Variants in STARD13 observed in about 807,000 individuals in gnomAD.
STARD13 encodes the protein StAR related lipid transfer domain containing 13, also known as stAR-related lipid transfer protein 13.
Under a neutral mutation model 106.4 loss-of-function variants are expected in STARD13, and 62 were observed. The observed-to-expected ratio is 0.58, with a 90% CI of 0.48 to 0.72. The LOEUF is 0.72. STARD13 is among the 30% of genes least tolerant of loss of function. The probability of loss-of-function intolerance (pLI) is 0.00; values close to 1 mark genes in which losing one functional copy is unlikely to be tolerated. For synonymous variants in STARD13, 565 were observed against 553.0 expected, an observed-to-expected ratio of 1.02 and a Z score of -0.31; for missense variants, 1,387 against 1,424.0, an observed-to-expected ratio of 0.97 and a Z score of 0.42.
the STARD13 span, among the ~76,000 whole-genome samples, chr13:33,603,978 A>G: frequency 6.6e-6 from 1 of 152,216 alleles, no homozygotes; most frequent in Non-Finnish European, 1.5e-5. Flanking sequence ...AGTACAAAAA[A>G]TAAAACCCAA....
chr13:33,186,746 T>A (rs1374448990), intron 1 of STARD13, among the ~76,000 whole-genome samples: 1 of 152,114 alleles, frequency 6.6e-6, no homozygotes, highest in Non-Finnish European at 1.5e-5. Context: ...GTATTTGAGA[T>A]TAACAATCTC....
intron 1 of STARD13, among the ~76,000 whole-genome samples, chr13:33,189,521 G>T (rs1439238411): frequency 6.6e-6 from 1 of 150,902 alleles, no homozygotes; most frequent in Admixed American, 6.6e-5. Flanking sequence ...CAGTCCTTCC[G>T]ATGGCACTTT....
chr13:33,621,917 A>G, the STARD13 span, among the ~76,000 whole-genome samples: 4 of 150,478 alleles, frequency 2.7e-5, no homozygotes, highest in Admixed American at 2.0e-4. Context: ...CGATTCTCCT[A>G]CCTCAGCCTC....
At chr13:33,242,857 G>A (rs1218244154) in intron 1 of STARD13, among the ~76,000 whole-genome samples, 1 of 152,050 alleles carries the variant, frequency 6.6e-6, no homozygotes, top group Non-Finnish European at 1.5e-5. Context: ...TGATATATTT[G>A]GAGGCTTAGC....
At chr13:33,600,113 C>G in the STARD13 span, among the ~76,000 whole-genome samples, 3 of 152,090 alleles carry the variant, frequency 2.0e-5, no homozygotes, top group African/African-American at 4.8e-5. Flanking sequence ...TGCTAAAAAC[C>G]AGAGCCTGTA....
the STARD13 span, among the ~76,000 whole-genome samples, chr13:33,575,806 T>C: frequency 5.9e-5 from 9 of 152,150 alleles, no homozygotes; most frequent in Non-Finnish European, 1.2e-4. Flanking sequence ...GTGAGCTAAA[T>C]AAGCCTCTTT....
At chr13:33,267,960 T>C (rs1222021702) in intron 1 of STARD13, among the ~76,000 whole-genome samples, 2 of 152,164 alleles carry the variant, frequency 1.3e-5, no homozygotes, top group Non-Finnish European at 2.9e-5. Flanking sequence ...GTATTATTAG[T>C]TTCCAGTTAA....
chr13:33,117,778 T>C, intron 8 of STARD13: 3 of 965,558 alleles, frequency 3.1e-6, no homozygotes, highest in Non-Finnish European at 3.7e-6. Flanking sequence ...TTTTTCATTT[T>C]AAATTTTTGT....
At chr13:33,142,505 A>C (rs887280938) in intron 3 of STARD13, 132 bp from the exon 4 acceptor site, 3 of 765,598 alleles carry the variant, frequency 3.9e-6, no homozygotes, top group Non-Finnish European at 2.2e-6. Flanking sequence ...ACAGTACTGC[A>C]CCCACAGAAG....
the STARD13 span, among the ~76,000 whole-genome samples, chr13:33,673,063 T>C: frequency 1.3e-5 from 2 of 152,236 alleles, no homozygotes; most frequent in African/African-American, 4.8e-5. Context: ...CTGCTTGAGC[T>C]AAGCACTGAC....
At chr13:33,137,859 T>G (rs757008746) in intron 4 of STARD13, among the ~76,000 whole-genome samples, 9 of 152,094 alleles carry the variant, frequency 5.9e-5, no homozygotes, top group African/African-American at 2.2e-4. Context: ...ATCTGACTGC[T>G]CTTTGGAGTT....
chr13:33,512,437 G>T, the STARD13 span, among the ~76,000 whole-genome samples: 1 of 151,950 alleles, frequency 6.6e-6, no homozygotes, highest in East Asian at 1.9e-4. Context: ...GCAAAGACAG[G>T]TGCTTTTTAA....
the STARD13 span, among the ~76,000 whole-genome samples, chr13:33,439,422 G>A: frequency 6.6e-6 from 1 of 152,190 alleles, no homozygotes; most frequent in African/African-American, 2.4e-5. Context: ...GACTGGTTAT[G>A]CAAAGCAACT....
chr13:33,340,039 C>T (rs1161532742), intron 1 of STARD13, among the ~76,000 whole-genome samples: 3 of 152,170 alleles, frequency 2.0e-5, no homozygotes, highest in Admixed American at 6.5e-5. Flanking sequence ...AACTCAACAT[C>T]AGGTAAGGGA....
At chr13:33,666,792 A>G in the STARD13 span, among the ~76,000 whole-genome samples, 2 of 151,456 alleles carry the variant, frequency 1.3e-5, no homozygotes, top group African/African-American at 2.4e-5. Flanking sequence ...GGGTTTCACC[A>G]TGTTGGCCAG....
intron 1 of STARD13, among the ~76,000 whole-genome samples, chr13:33,216,349 T>C (rs1888041438): frequency 6.6e-6 from 1 of 152,180 alleles, no homozygotes; most frequent in Non-Finnish European, 1.5e-5. Context: ...ATAAAGAAAC[T>C]GTGGTATATA....
chr13:33,254,442 TA>T (rs1331285062), intron 1 of STARD13, among the ~76,000 whole-genome samples: 1 of 152,216 alleles, frequency 6.6e-6, no homozygotes, highest in Non-Finnish European at 1.5e-5. Flanking sequence ...CTGTTGCCTA[TA>T]TTCTAGCATT....
rs982502082 is a variant in STARD13 at position 33,272,255 on chromosome 13, A to G, written c.169+13215T>C. 2.6e-5 allele frequency among the ~76,000 whole-genome samples: 4 copies of G among 152,194 alleles called. No homozygotes were observed. In the East Asian group the frequency reaches 7.7e-4, roughly 29 times the overall value. ...AATTTTGGAATATTTGCATTATATC[A>G]GTTAAGCATCCTTAATCCCCAAATC... is the stretch of plus-strand genomic sequence containing the variant. On this transcript the variant is annotated intron_variant, in intron 1 of 13. Transcript: ENST00000336934.
chr13:33,558,163 C>T, the STARD13 span, among the ~76,000 whole-genome samples: 1 of 152,198 alleles, frequency 6.6e-6, no homozygotes, highest in South Asian at 2.1e-4. Context: ...TCCAAATTCT[C>T]CCAAGGTTTT....
Sources: allele counts gnomAD v4.1 joint callset (sites outside exome capture counted in the v4.1 genomes callset), GRCh38; gene constraint gnomAD v4.1.1; transcripts MANE v1.5; gene names NCBI Gene and HGNC (gene_info 2026-07-23, HGNC 2026-07-21).